The following ZEB2 variants were observed in gnomAD, a reference collection of about 807,000 sequenced individuals.
ZEB2 encodes the protein zinc finger E-box-binding homeobox 2.
ZEB2 carries 6 observed loss-of-function variants against 99.9 expected under a neutral mutation model. The ratio of observed to expected loss-of-function variants is 0.06; its 90% CI spans 0.03 to 0.12. The LOEUF (loss-of-function observed/expected upper bound fraction) is 0.12. Ranked by LOEUF, ZEB2 falls within the 10% of genes least tolerant of loss-of-function variation. The pLI is 1.00. For missense variants in ZEB2, 969 were observed against 1,502.8 expected, an observed-to-expected ratio of 0.64 and a Z score of 5.87; for synonymous variants, 517 against 542.5, an observed-to-expected ratio of 0.95 and a Z score of 0.65.
At chr2:144,429,550 A>G in intron 3 of ZEB2, 1 of 688,200 alleles carries the variant, frequency 1.5e-6, no homozygotes, top group Non-Finnish European at 2.4e-6. Context: ...ACTTGCATCA[A>G]AACTGAAATA....
intron 2 of ZEB2, among the ~76,000 whole-genome samples, chr2:144,476,018 T>TAAA (rs935542730): frequency 3.3e-5 from 5 of 152,190 alleles, no homozygotes; most frequent in Non-Finnish European, 7.4e-5. Flanking sequence ...CATAAGGAAA[T>TAAA]AAAACAGCCA....
intron 2 of ZEB2, among the ~76,000 whole-genome samples, chr2:144,491,335 C>T (rs1420037307): frequency 1.4e-5 from 2 of 138,476 alleles, no homozygotes; most frequent in Non-Finnish European, 3.1e-5. Context: ...CTTGCCACTT[C>T]GTCTTTCGTT....
chr2:144,418,933 T>C (rs1470296820), intron 4 of ZEB2, among the ~76,000 whole-genome samples: 1 of 151,880 alleles, frequency 6.6e-6, no homozygotes, highest in African/African-American at 2.4e-5. Flanking sequence ...AGCTTATTCA[T>C]GTAACCAAAC....
chr2:144,405,123 T>G (rs1016809878), intron 4 of ZEB2, 99 bp from the exon 5 acceptor site: 2 of 1,268,244 alleles, frequency 1.6e-6, no homozygotes, highest in Non-Finnish European at 2.2e-6. Flanking sequence ...TGACTTGCAA[T>G]AGACTACAAA....
intron 3 of ZEB2, chr2:144,428,817 T>C (rs1703728102): frequency 6.6e-6 from 1 of 152,176 alleles, no homozygotes; most frequent in East Asian, 1.9e-4. Flanking sequence ...ACTTCACCTA[T>C]TTATAAAAAT....
At chr2:144,450,858 T>C (rs1287478643) in intron 2 of ZEB2, among the ~76,000 whole-genome samples, 1 of 152,076 alleles carries the variant, frequency 6.6e-6, no homozygotes, top group African/African-American at 2.4e-5. Flanking sequence ...GTATTCTTAG[T>C]AGAGATGGGG....
intron 2 of ZEB2, among the ~76,000 whole-genome samples, chr2:144,468,168 G>A (rs897476783): frequency 6.6e-6 from 1 of 152,068 alleles, no homozygotes; most frequent in Admixed American, 6.6e-5. Context: ...AGAGAAAGCA[G>A]AGTGGGAAAT....
rs142510127 is a variant in ZEB2 at position 144,485,678 on chromosome 2, G to A, written c.73+31600C>T. Among the ~76,000 whole-genome samples, 23 of 152,124 alleles carry A rather than the reference G, an allele frequency of 1.5e-4. No individual in the cohort carries two copies. The East Asian group carries it at 4.3e-3, about 28-fold the overall frequency. On this transcript the variant is annotated intron_variant, in intron 2 of 9. Coordinates refer to ENST00000627532, the MANE Select transcript of ZEB2 (RefSeq NM_014795.4). Reference sequence around the variant, plus strand: ...GCTGTCACCTGAGCTGGGGTGCAACGGCATGATCTCGGCTCACTGCAACCT... The same window carrying A: ...GCTGTCACCTGAGCTGGGGTGCAACAGCATGATCTCGGCTCACTGCAACCT...
At chr2:144,484,863 G>A (rs1704571957) in intron 2 of ZEB2, among the ~76,000 whole-genome samples, 1 of 151,916 alleles carries the variant, frequency 6.6e-6, no homozygotes, top group Admixed American at 6.6e-5. Context: ...AAAAGCAACT[G>A]TCAAAAAACA....
chr2:144,485,628 A>C (rs776004790), intron 2 of ZEB2, among the ~76,000 whole-genome samples: 5 of 151,656 alleles, frequency 3.3e-5, no homozygotes, highest in Non-Finnish European at 7.4e-5. Flanking sequence ...TTATTTCTTT[A>C]TTTATTTTTG....
chr2:144,463,258 TCAGTCA>T (rs1223833264), intron 2 of ZEB2: 1 of 152,012 alleles, frequency 6.6e-6, no homozygotes, highest in Non-Finnish European at 1.5e-5. Context: ...TAATATAAAC[TCAGTCA>T]ACCGAAGTTC....
At chr2:144,481,464 G>A (rs1704510109) in intron 2 of ZEB2, among the ~76,000 whole-genome samples, 2 of 152,136 alleles carry the variant, frequency 1.3e-5, no homozygotes, top group South Asian at 2.1e-4. Context: ...CAATTGAAAA[G>A]GTAGACTAGA....
intron 9 of ZEB2, among the ~76,000 whole-genome samples, chr2:144,391,080 T>C (rs1171576241): frequency 2.0e-5 from 3 of 152,214 alleles, no homozygotes; most frequent in Admixed American, 2.0e-4. Flanking sequence ...CCCAACAAAG[T>C]AGATCCAATC....
At chr2:144,492,782 A>G (rs1704699284) in intron 2 of ZEB2, among the ~76,000 whole-genome samples, 1 of 152,250 alleles carries the variant, frequency 6.6e-6, no homozygotes, top group Admixed American at 6.5e-5. Flanking sequence ...AAAAGTTATT[A>G]ATATGGTGGT....
At chr2:144,480,708 T>C (rs893251541) in intron 2 of ZEB2, among the ~76,000 whole-genome samples, 1 of 139,552 alleles carries the variant, frequency 7.2e-6, no homozygotes, top group Non-Finnish European at 1.5e-5. Context: ...ATCTCTATTT[T>C]CTCTCTATAC....
At chr2:144,428,801 C>T (rs754666842) in intron 3 of ZEB2, 4 of 152,084 alleles carry the variant, frequency 2.6e-5, no homozygotes, top group Non-Finnish European at 4.4e-5. Flanking sequence ...AGACTCCTTC[C>T]CAGCCACTTC....
At chr2:144,390,080 C>A in intron 9 of ZEB2, 52 bp from the exon 10 acceptor site, 1 of 1,579,356 alleles carries the variant, frequency 6.3e-7, no homozygotes, top group Non-Finnish European at 8.6e-7. Context: ...CATGAAGTCT[C>A]TTTCCACTAA....
At chr2:144,400,334 C>A (rs1703293854) in intron 7 of ZEB2, 64 bp from the exon 8 acceptor site, 2 of 1,550,212 alleles carry the variant, frequency 1.3e-6, no homozygotes. Context: ...AATTGTCTAC[C>A]AAGAGAAGAA....
At chr2:144,510,258 A>G (rs1452885580) in intron 2 of ZEB2, among the ~76,000 whole-genome samples, 1 of 152,048 alleles carries the variant, frequency 6.6e-6, no homozygotes, top group East Asian at 1.9e-4. Flanking sequence ...AGTCTTTTCC[A>G]GTTTTCCTGA....
Sources: gnomAD v4.1 joint callset for allele counts (sites outside exome capture counted in the v4.1 genomes callset) on GRCh38, gnomAD v4.1.1 for gene constraint, MANE v1.5 for transcripts, NCBI Gene and HGNC (gene_info 2026-07-23, HGNC 2026-07-21) for gene names.